Variants in RYK observed in about 807,000 individuals in gnomAD.
The protein encoded by RYK is inactive tyrosine-protein kinase RYK.
In RYK, 21 loss-of-function variants were observed where a neutral mutation model predicts 70.2. The observed-to-expected ratio is 0.30, with a 90% CI of 0.21 to 0.43. The LOEUF is 0.43. Ranked by LOEUF, RYK falls within the 20% of genes least tolerant of loss-of-function variation. RYK has a pLI of 1.00. For synonymous variants in RYK, 267 were observed against 278.0 expected (o/e 0.96, Z 0.39); for missense variants, 604 against 753.3 (o/e 0.80, Z 2.32).
At chr3:134,248,662 C>CA (rs201078569) in intron 1 of RYK, among the ~76,000 whole-genome samples, 1,817 of 152,010 alleles carry the variant, frequency 0.012, 30 homozygotes, top group African/African-American at 0.041. Context: ...ACTAAAAATA[C>CA]AAAAAATAGC....
At chr3:134,223,500 A>G (rs2014799522) in intron 1 of RYK, among the ~76,000 whole-genome samples, 1 of 152,192 alleles carries the variant, frequency 6.6e-6, no homozygotes, top group African/African-American at 2.4e-5. Context: ...CAAATGTACT[A>G]AATTCTAGCT....
chr3:134,246,890 A>C (rs939558834), intron 1 of RYK, among the ~76,000 whole-genome samples: 1 of 152,164 alleles, frequency 6.6e-6, no homozygotes, highest in African/African-American at 2.4e-5. Flanking sequence ...TAATCGTACT[A>C]TCTAGATTGG....
At position 134,166,339 on chromosome 3, in the gene RYK, C is replaced by CTG. The variant is rs143767262; in HGVS notation, c.1576-6968_1576-6967dup. On this transcript the variant is annotated intron_variant, in intron 13 of 14. Coordinates refer to ENST00000623711, the MANE Select transcript of RYK (RefSeq NM_002958.4). Reference sequence around the variant, plus strand: ...GGGCTCTCAACAGACACCGAACCTGCTGGTACCTAATTTTGGACTTCCTAG... The same window carrying CTG: ...GGGCTCTCAACAGACACCGAACCTGCTGTGGTACCTAATTTTGGACTTCCTAG... Among the ~76,000 whole-genome samples the CTG allele has an allele frequency of 5.7e-3, 869 of 152,286 alleles. 13 individuals carry two copies. The highest frequency in any genetic ancestry group is 0.019 in the African/African-American group (790 of 41,560).
At position 134,216,426 on chromosome 3, in the gene RYK, G is replaced by A. The variant is rs535023753; in HGVS notation, c.355-4819C>T. ...GACGAATTCCTGAAAGCACAGAACA[G>A]CCATGGGGTAAGGGTGGGTAGTGGG... On this transcript the variant is annotated intron_variant, in intron 2 of 14. Coordinates refer to ENST00000623711, the MANE Select transcript of RYK (RefSeq NM_002958.4). Among the ~76,000 whole-genome samples, 3 of 152,250 alleles carry A rather than the reference G, an allele frequency of 2.0e-5. No individual in the cohort carries two copies. In the East Asian group the frequency reaches 5.8e-4, roughly 29 times the overall value.
intron 2 of RYK, among the ~76,000 whole-genome samples, chr3:134,216,554 A>G (rs2014556595): frequency 6.6e-6 from 1 of 152,008 alleles, no homozygotes; most frequent in Non-Finnish European, 1.5e-5. Flanking sequence ...GCACTTTGGG[A>G]GGCTGAGGCG....
chr3:134,248,220 G>T (rs2015517906), intron 1 of RYK, among the ~76,000 whole-genome samples: 1 of 152,128 alleles, frequency 6.6e-6, no homozygotes. Flanking sequence ...AATACTACTA[G>T]AAGTCTCTCT....
chr3:134,178,825 A>G (rs1435345495), intron 10 of RYK: 1 of 152,208 alleles, frequency 6.6e-6, no homozygotes, highest in African/African-American at 2.4e-5. Context: ...AATAACTGCT[A>G]ATTTTTCCCA....
chr3:134,197,223 G>A (rs758612614), intron 6 of RYK, among the ~76,000 whole-genome samples: 2 of 152,140 alleles, frequency 1.3e-5, no homozygotes, highest in Admixed American at 6.5e-5. Context: ...TTGGCTCAAC[G>A]TTATTACAGA....
chr3:134,249,842 C>T (rs1481425077), intron 1 of RYK, among the ~76,000 whole-genome samples: 3 of 151,286 alleles, frequency 2.0e-5, no homozygotes, highest in Non-Finnish European at 2.9e-5. Flanking sequence ...AGCATATGCT[C>T]CAAATCTACG....
intron 10 of RYK, chr3:134,179,584 T>C (rs1406105570): frequency 6.6e-6 from 1 of 152,226 alleles, no homozygotes; most frequent in Non-Finnish European, 1.5e-5. Context: ...GAGAAAAATA[T>C]CAGATCTTCA....
At chr3:134,245,785 T>C (rs2015449370) in intron 1 of RYK, among the ~76,000 whole-genome samples, 1 of 152,144 alleles carries the variant, frequency 6.6e-6, no homozygotes, top group African/African-American at 2.4e-5. Context: ...GATGATTTCT[T>C]CATTGTGAAC....
chr3:134,208,133 A>G (rs1271968798), intron 4 of RYK, among the ~76,000 whole-genome samples: 2 of 152,220 alleles, frequency 1.3e-5, no homozygotes, highest in Non-Finnish European at 2.9e-5. Context: ...TTACTCCAAC[A>G]CAGAATTTTA....
At chr3:134,208,250 G>A (rs191167636) in intron 4 of RYK, among the ~76,000 whole-genome samples, 1 of 152,304 alleles carries the variant, frequency 6.6e-6, no homozygotes, top group African/African-American at 2.4e-5. Context: ...GGGATCCAGA[G>A]GCCACACCAT....
At chr3:134,162,754 C>T (rs2012520739) in intron 13 of RYK, among the ~76,000 whole-genome samples, 1 of 151,158 alleles carries the variant, frequency 6.6e-6, no homozygotes, top group African/African-American at 2.4e-5. Context: ...TTTTTAAAAT[C>T]GTGTCCAATT....
intron 6 of RYK, 71 bp downstream of exon 6, chr3:134,202,659 T>C (rs1267379930): frequency 1.5e-6 from 2 of 1,370,414 alleles, no homozygotes; most frequent in African/African-American, 2.9e-5. Context: ...TGTGCATCGA[T>C]GTGTATGGGC....
chr3:134,230,850 T>C (rs997311574), intron 1 of RYK, among the ~76,000 whole-genome samples: 3 of 152,132 alleles, frequency 2.0e-5, no homozygotes, highest in African/African-American at 7.2e-5. Flanking sequence ...TTTTAAAAGA[T>C]GGAAAAAAGG....
chr3:134,158,343 T>C (rs2012323270), intron 14 of RYK, 79 bp from the exon 15 acceptor site: 7 of 744,116 alleles, frequency 9.4e-6, no homozygotes, highest in South Asian at 3.1e-5. Flanking sequence ...ATGCCAGTTA[T>C]GTTGCCTGTC....
intron 2 of RYK, among the ~76,000 whole-genome samples, chr3:134,217,669 G>A (rs1376723635): frequency 6.6e-6 from 1 of 152,124 alleles, no homozygotes; most frequent in Non-Finnish European, 1.5e-5. Flanking sequence ...ATATATGCAT[G>A]GAAGCTTATA....
chr3:134,196,303 TA>T (rs2013809162), intron 6 of RYK, among the ~76,000 whole-genome samples: 1 of 152,180 alleles, frequency 6.6e-6, no homozygotes. Context: ...TGAAACCAGA[TA>T]GCAGGATAGG....
Sources: gnomAD v4.1 joint callset for allele counts (sites outside exome capture counted in the v4.1 genomes callset) on GRCh38, gnomAD v4.1.1 for gene constraint, MANE v1.5 for transcripts, NCBI Gene and HGNC (gene_info 2026-07-23, HGNC 2026-07-21) for gene names.